The following OVCH1 variants were observed in gnomAD, a reference collection of about 807,000 sequenced individuals.
OVCH1 encodes ovochymase 1.
OVCH1 carries 139 observed loss-of-function variants against 138.4 expected under a neutral mutation model. That is an observed-to-expected ratio of 1.00 (90% confidence interval 0.87 to 1.16). The LOEUF is 1.16. Among genes scored for constraint, OVCH1 ranks in the 50% most tolerant of loss-of-function variants. OVCH1 has a pLI of 0.00. For synonymous variants in OVCH1, 453 were observed against 467.8 expected (o/e 0.97, Z 0.41); for missense variants, 1,367 against 1,357.9 (o/e 1.01, Z -0.11).
chr12:29,457,928 G>C (rs1942008053), intron 19 of OVCH1, among the ~76,000 whole-genome samples: 1 of 152,162 alleles, frequency 6.6e-6, no homozygotes, highest in Non-Finnish European at 1.5e-5. Flanking sequence ...GAAGGAGCCA[G>C]CTTTCCAAAA....
At chr12:29,476,264 T>C in exon 13 of OVCH1, 2 of 1,613,684 alleles carry the variant, frequency 1.2e-6, no homozygotes, top group South Asian at 1.1e-5. Flanking sequence ...AAATACAGTT[T>C]GGACTAAATT....
Position 29,474,957 on chromosome 12 carries a change from C to T in OVCH1, c.1600+104G>A. 7 of 1,279,950 alleles carry T rather than the reference C, an allele frequency of 5.5e-6. No individual in the cohort carries two copies. The South Asian group carries it at 1.1e-4, about 21-fold the overall frequency. 79.3% of individuals were successfully genotyped at this position (1,279,950 alleles called of 1,614,324 possible). A position where few individuals can be genotyped will look rare whatever the true frequency, so the allele number is the denominator to read the frequency against. ...GAAATCTGCATTTTTGTTATGCTTACCAAGGGGATTGCTATACTACATTGA... is the reference window on the plus strand; with the variant it reads ...GAAATCTGCATTTTTGTTATGCTTATCAAGGGGATTGCTATACTACATTGA... On this transcript the variant is annotated intron_variant, in intron 14 of 27. Coordinates refer to ENST00000318184, the Ensembl canonical transcript of OVCH1.
At chr12:29,431,569 CCTAT>C (rs1362809079) in intron 27 of OVCH1, among the ~76,000 whole-genome samples, 2 of 145,960 alleles carry the variant, frequency 1.4e-5, no homozygotes, top group African/African-American at 5.3e-5. Context: ...ACATTTTCCC[CCTAT>C]TTAATTTATT....
chr12:29,440,529 G>A (rs1941457454), intron 25 of OVCH1: 1 of 295,620 alleles, frequency 3.4e-6, no homozygotes, highest in Non-Finnish European at 6.6e-6. Flanking sequence ...TAAAATGCAA[G>A]CTTGGTTTCT....
chr12:29,439,916 G>A (rs1420691485), intron 25 of OVCH1, among the ~76,000 whole-genome samples: 1 of 152,154 alleles, frequency 6.6e-6, no homozygotes, highest in East Asian at 1.9e-4. Flanking sequence ...GATGTATAGG[G>A]CAAGATATGG....
At chr12:29,407,567 C>A (rs978536419), downstream of OVCH1, among the ~76,000 whole-genome samples, 3 of 150,018 alleles carry the variant, frequency 2.0e-5, no homozygotes, top group Non-Finnish European at 4.5e-5. Context: ...ATAGGGAATC[C>A]GTTCCCCATT....
At chr12:29,479,824 C>CT (rs34551074) in intron 8 of OVCH1, among the ~76,000 whole-genome samples, 43,176 of 128,386 alleles carry the variant, frequency 0.34, 9,332 homozygotes, top group Middle Eastern at 0.54. Context: ...TCTTTTTTTT[C>CT]TTTTTTTTTT....
intron 27 of OVCH1, among the ~76,000 whole-genome samples, chr12:29,429,552 AATTG>A (rs1941234066): frequency 6.6e-6 from 1 of 152,250 alleles, no homozygotes; most frequent in African/African-American, 2.4e-5. Flanking sequence ...TACAAAGTAG[AATTG>A]ATTGCTGATA....
In OVCH1 at chr12:29,497,682, C is replaced by T; in HGVS notation, c.5G>A (p.Gly2Asp). 3.7e-6 allele frequency: 6 copies of T among 1,613,954 alleles called. 1 individual carries two copies. The South Asian group carries it at 5.5e-5, about 15-fold the overall frequency. Residue 2 changes from glycine to aspartate, a missense_variant, in exon 1 of 28, where the codon GGC becomes GAC. Gly to Asp is a moderately conservative substitution (Grantham distance 94). Coordinates refer to ENST00000318184, the Ensembl canonical transcript of OVCH1. ...CAACAAACCAGCACTGGCCAGCAGG[C>T]CCATAGCCTCCACGCACCGGCCTCG... is the stretch of plus-strand genomic sequence containing the variant.
At chr12:29,437,642 ACT>A (rs143971304) in intron 26 of OVCH1, among the ~76,000 whole-genome samples, 7,057 of 152,186 alleles carry the variant, frequency 0.046, 224 homozygotes, top group Non-Finnish European at 0.071. Flanking sequence ...TTACAGGAAA[ACT>A]CTGCCCTCTT....
chr12:29,412,208 T>G (rs1565559404), downstream of OVCH1, among the ~76,000 whole-genome samples: 1 of 152,120 alleles, frequency 6.6e-6, no homozygotes. Context: ...GTGCCTTCTT[T>G]CACCCCTTTC....
At chr12:29,409,328 G>C (rs1940923326), downstream of OVCH1, among the ~76,000 whole-genome samples, 1 of 152,060 alleles carries the variant, frequency 6.6e-6, no homozygotes, top group Non-Finnish European at 1.5e-5. Context: ...TCTATTTTTA[G>C]TTATTTCTTG....
chr12:29,463,952 TTTAAGAG>T (rs1942227161), intron 18 of OVCH1, among the ~76,000 whole-genome samples: 1 of 152,142 alleles, frequency 6.6e-6, no homozygotes, highest in Non-Finnish European at 1.5e-5. Context: ...TTACTAAGCC[TTTAAGAG>T]TTCTATACCA....
intron 7 of OVCH1, among the ~76,000 whole-genome samples, 152 bp from the exon 8 acceptor site, chr12:29,486,500 A>G (rs1449137290): frequency 6.6e-6 from 1 of 152,226 alleles, no homozygotes; most frequent in African/African-American, 2.4e-5. Context: ...GTAACCCACT[A>G]TGTCTTTTAA....
chr12:29,413,858 T>C (rs1304895581), intron 3 of OVCH1, among the ~76,000 whole-genome samples: 1 of 141,230 alleles, frequency 7.1e-6, no homozygotes, highest in Non-Finnish European at 1.6e-5. Flanking sequence ...ATTTTCCTTC[T>C]CACCTGCCTA....
At chr12:29,451,249 G>T in intron 22 of OVCH1, 96 bp downstream of exon 22, 7 of 895,808 alleles carry the variant, frequency 7.8e-6, no homozygotes, top group African/African-American at 1.7e-5. Context: ...TCAACATTTT[G>T]GTAACATTAT....
At chr12:29,428,168 A>T (rs569588039) in intron 27 of OVCH1, among the ~76,000 whole-genome samples, 1 of 150,930 alleles carries the variant, frequency 6.6e-6, no homozygotes, top group South Asian at 2.1e-4. Flanking sequence ...CCAAAATACC[A>T]CTCTCCTCCC....
chr12:29,494,271 T>C (rs1419311199), intron 4 of OVCH1, among the ~76,000 whole-genome samples: 5 of 152,188 alleles, frequency 3.3e-5, no homozygotes, highest in Non-Finnish European at 7.3e-5. Flanking sequence ...ATTTGATCCC[T>C]TAAGGGCAGT....
intron 23 of OVCH1, among the ~76,000 whole-genome samples, chr12:29,445,002 A>T (rs1475426163): frequency 6.6e-6 from 1 of 152,096 alleles, no homozygotes; most frequent in Non-Finnish European, 1.5e-5. Flanking sequence ...TTGTGGTATA[A>T]AATTGCAACC....
Sources: gnomAD v4.1 joint callset for allele counts (sites outside exome capture counted in the v4.1 genomes callset) on GRCh38, gnomAD v4.1.1 for gene constraint, MANE v1.5 for transcripts, NCBI Gene and HGNC (gene_info 2026-07-23, HGNC 2026-07-21) for gene names.